PTCHD4: variants seen among roughly 807,000 people sequenced by gnomAD.
PTCHD4 encodes patched domain-containing protein 4.
A neutral mutation model predicts 58.1 loss-of-function variants in PTCHD4; 33 were observed. That is an observed-to-expected ratio of 0.57 (90% CI 0.43 to 0.76). PTCHD4 has a LOEUF of 0.76. Among genes scored for constraint, PTCHD4 ranks in the 30% least tolerant of loss-of-function variants. The pLI is 0.00. For synonymous variants in PTCHD4, 478 were observed against 409.6 expected, an observed-to-expected ratio of 1.17 and a Z score of -2.02; for missense variants, 1,058 against 1,027.1, an observed-to-expected ratio of 1.03 and a Z score of -0.41.
chr6:48,058,817 G>A (rs923151457), intron 3 of PTCHD4, among the ~76,000 whole-genome samples: 1 of 152,160 alleles, frequency 6.6e-6, no homozygotes, highest in Non-Finnish European at 1.5e-5. Flanking sequence ...GTCACATTCC[G>A]AATAATGACC....
chr6:48,093,375 T>C lies in PTCHD4; in HGVS notation c.-970+17674A>G, dbSNP rs185430249. On this transcript the variant is annotated intron_variant, in intron 1 of 4. Transcript: ENST00000339488. Reference sequence around the variant, plus strand: ...TCACTCCAAGCCATAGAATGCATTTTAAAGTATTATAGAAATTAAACTTTT... The same window carrying C: ...TCACTCCAAGCCATAGAATGCATTTCAAAGTATTATAGAAATTAAACTTTT... 6.6e-5 allele frequency among the ~76,000 whole-genome samples: 10 copies of C among 152,292 alleles called. No individual in the cohort carries two copies. The East Asian group carries it at 1.9e-3, about 29-fold the overall frequency.
chr6:48,093,342 T>C (rs1489562650), intron 1 of PTCHD4, among the ~76,000 whole-genome samples: 1 of 152,152 alleles, frequency 6.6e-6, no homozygotes, highest in African/African-American at 2.4e-5. Context: ...TCAGGACAGT[T>C]AGGTGAATCA....
intron 3 of PTCHD4, among the ~76,000 whole-genome samples, chr6:48,014,396 A>G: frequency 6.6e-6 from 1 of 152,172 alleles, no homozygotes; most frequent in East Asian, 1.9e-4. Flanking sequence ...AAATATTGTA[A>G]TTATCCTGTG....
chr6:47,878,921 G>T lies in PTCHD4; in HGVS notation c.1914C>A (p.Ile638=). 1 of 1,613,310 alleles carries T rather than the reference G, an allele frequency of 6.2e-7. No homozygotes were observed. Among genetic ancestry groups the T allele is most frequent in the African/African-American group, 1.3e-5 (1 of 75,012 alleles). ...PLSLSKSIRF[I]VFNPSFVFMD... is the part of the protein sequence containing the mutation. The stretch of plus-strand genomic sequence containing the variant: ...TGAAGACAAAGGAGGGGTTGAACAC[G>T]ATGAATCGGATGCTCTTTGAGAGGG... The change falls in exon 5 of 5, where the codon ATC becomes ATA. Residue 638 remains isoleucine, a synonymous_variant. Transcript: ENST00000339488.
chr6:48,036,989 C>T (rs1011258461), intron 3 of PTCHD4, among the ~76,000 whole-genome samples: 1 of 152,054 alleles, frequency 6.6e-6, no homozygotes, highest in Non-Finnish European at 1.5e-5. Context: ...AGCAAGGGAT[C>T]CCCTGAAGAT....
intron 4 of PTCHD4, among the ~76,000 whole-genome samples, chr6:47,983,253 T>C (rs1252500588): frequency 6.6e-6 from 1 of 152,220 alleles, no homozygotes; most frequent in Non-Finnish European, 1.5e-5. Context: ...TTGCTTTTTT[T>C]TGTTCCTGCA....
intron 4 of PTCHD4, among the ~76,000 whole-genome samples, chr6:47,884,582 C>G (rs1461556385): frequency 6.6e-6 from 1 of 152,192 alleles, no homozygotes; most frequent in African/African-American, 2.4e-5. Context: ...ATGATTGGAA[C>G]TACATTATAT....
rs1218200628 is a variant in PTCHD4, at chr6:47,921,876, T to A, written c.899-41940A>T. ...CTATAATTCCAGCACTTTGGGAGGC[T>A]GAGGTAGGAGGAACACTTGAGACCA... On this transcript the variant is annotated intron_variant, in intron 4 of 4. Coordinates refer to ENST00000339488, the MANE Select transcript of PTCHD4 (RefSeq NM_001384253.1). 1.3e-4 allele frequency among the ~76,000 whole-genome samples: 19 copies of A among 149,572 alleles called. 1 individual carries two copies. The highest frequency in any genetic ancestry group is 1.1e-3 in the Admixed American group (16 of 14,930).
chr6:47,985,256 A>G (rs1476809394), intron 4 of PTCHD4, among the ~76,000 whole-genome samples: 2 of 152,128 alleles, frequency 1.3e-5, no homozygotes, highest in Admixed American at 1.3e-4. Flanking sequence ...CTATGCCTTA[A>G]ATAAATATTG....
intron 4 of PTCHD4, among the ~76,000 whole-genome samples, chr6:47,942,028 C>T (rs1273154700): frequency 6.6e-6 from 1 of 152,100 alleles, no homozygotes; most frequent in Admixed American, 6.6e-5. Flanking sequence ...TTGGAATATT[C>T]TTTTTCCCAG....
At position 47,861,023 on chromosome 6, in the gene PTCHD4, T is replaced by C. The variant is rs560368195; in HGVS notation, c.*17280A>G. Among the ~76,000 whole-genome samples the C allele has an allele frequency of 3.9e-5, 6 of 152,088 alleles. No homozygotes were observed. The highest frequency in any genetic ancestry group is 1.4e-4 in the African/African-American group (6 of 41,538). ...AAAGTGCCCCTGGATGCCTCTCTAA[T>C]CATTATTTTAGTGGAACATTTCAAT... On this transcript the variant is annotated 3_prime_UTR_variant, in exon 5 of 5. Transcript: ENST00000339488.
chr6:48,100,013 A>C (rs1326085824), intron 1 of PTCHD4, among the ~76,000 whole-genome samples: 1 of 152,204 alleles, frequency 6.6e-6, no homozygotes, highest in Admixed American at 6.5e-5. Context: ...AAACATTACT[A>C]TTATTGAAAT....
In PTCHD4 at chr6:47,983,420, T is replaced by C. The variant is rs562586976; in HGVS notation, c.898+25214A>G. On this transcript the variant is annotated intron_variant, in intron 4 of 4. Coordinates refer to ENST00000339488, the MANE Select transcript of PTCHD4 (RefSeq NM_001384253.1). ...TCAGTGGTTTAAATGTTTCACTTTC[T>C]TACTGTTCAGACAAACATTCTGAGA... is the stretch of plus-strand genomic sequence containing the variant. Among the ~76,000 whole-genome samples the C allele has an allele frequency of 7.2e-5, 11 of 152,318 alleles. No homozygotes were observed. In the South Asian group the frequency reaches 2.1e-3, roughly 29 times the overall value.
intron 1 of PTCHD4, among the ~76,000 whole-genome samples, chr6:48,107,437 A>G (rs1349574467): frequency 2.0e-5 from 3 of 152,212 alleles, no homozygotes; most frequent in African/African-American, 7.2e-5. Flanking sequence ...TACACCTTAT[A>G]CAAAAATTAA....
At chr6:48,035,884 G>A (rs776920439) in intron 3 of PTCHD4, among the ~76,000 whole-genome samples, 6 of 151,942 alleles carry the variant, frequency 3.9e-5, no homozygotes, top group African/African-American at 1.2e-4. Context: ...CTATAAATTC[G>A]CACTTTCGTT....
intron 3 of PTCHD4, among the ~76,000 whole-genome samples, chr6:48,040,487 C>G (rs1481537320): frequency 1.3e-5 from 2 of 151,556 alleles, no homozygotes; most frequent in Admixed American, 1.3e-4. Context: ...AAAAAAATGT[C>G]TGGTGCATCC....
chr6:48,010,671 C>T (rs567261736), intron 3 of PTCHD4, among the ~76,000 whole-genome samples: 111 of 151,970 alleles, frequency 7.3e-4, no homozygotes, highest in Non-Finnish European at 1.1e-3. Context: ...CATAGTTATA[C>T]ATGTGCCATG....
At chr6:47,880,807 G>A (rs941281018) in intron 4 of PTCHD4, among the ~76,000 whole-genome samples, 1 of 152,186 alleles carries the variant, frequency 6.6e-6, no homozygotes, top group African/African-American at 2.4e-5. Flanking sequence ...CTACTGAGCT[G>A]TAATTTTGAG....
At chr6:47,968,988 T>C (rs1767402200) in intron 4 of PTCHD4, among the ~76,000 whole-genome samples, 1 of 152,198 alleles carries the variant, frequency 6.6e-6, no homozygotes, top group Non-Finnish European at 1.5e-5. Flanking sequence ...TCCCTATTAG[T>C]AAAAATACAG....
Sources: gnomAD v4.1 joint callset for allele counts (sites outside exome capture counted in the v4.1 genomes callset) on GRCh38, gnomAD v4.1.1 for gene constraint, MANE v1.5 for transcripts, NCBI Gene and HGNC (gene_info 2026-07-23, HGNC 2026-07-21) for gene names.